Variants in DNAH12 observed in about 807,000 individuals in gnomAD.
The protein encoded by DNAH12 is dynein axonemal heavy chain 12.
DNAH12 carries 285 observed loss-of-function variants against 371.5 expected under a neutral mutation model. That is an observed-to-expected ratio of 0.77 (90% CI 0.70 to 0.85). The LOEUF is 0.85. Ranked by LOEUF, DNAH12 falls within the 40% of genes least tolerant of loss-of-function variation. The probability of loss-of-function intolerance (pLI) is 0.00; values close to 1 mark genes in which losing one functional copy is unlikely to be tolerated. For synonymous variants in DNAH12, 1,200 were observed against 1,213.0 expected (o/e 0.99, Z 0.22); for missense variants, 3,611 against 3,689.4 (o/e 0.98, Z 0.55).
chr3:57,521,387 G>T (rs192352360), intron 4 of DNAH12, among the ~76,000 whole-genome samples: 7 of 151,888 alleles, frequency 4.6e-5, no homozygotes, highest in Non-Finnish European at 2.9e-5. Context: ...AAAATCAGGG[G>T]GATGGTGGCA....
Position 57,408,023 on chromosome 3 carries a change from T to G in DNAH12, c.6276+257A>C, listed in dbSNP as rs937265006. Among the ~76,000 whole-genome samples, 8 of 152,266 alleles carry G rather than the reference T, an allele frequency of 5.3e-5. 1 individual carries two copies. In the South Asian group the frequency reaches 1.5e-3, roughly 28 times the overall value. On this transcript the variant is annotated intron_variant, in intron 40 of 73. Transcript: ENST00000495027. The stretch of plus-strand genomic sequence containing the variant: ...CAACCTTGTGAAATAGGTGTTTTAT[T>G]CCATTTTAGTCATTAAAAAAACAGC...
chr3:57,429,179 A>AT lies in DNAH12; in HGVS notation c.5065-359dup, dbSNP rs138125857. ...CACAGATGCTCACTCCTCTCCACACATTTTTTTTTTTTTTGAGACGGAGTT... is the reference window on the plus strand; with the variant it reads ...CACAGATGCTCACTCCTCTCCACACATTTTTTTTTTTTTTTGAGACGGAGTT... On this transcript the variant is annotated intron_variant, in intron 33 of 73. Coordinates refer to ENST00000495027, the MANE Select transcript of DNAH12 (RefSeq NM_001366028.2). Among the ~76,000 whole-genome samples, 404 of 147,560 alleles carry AT rather than the reference A, an allele frequency of 2.7e-3. 4 individuals carry two copies. The highest frequency in any genetic ancestry group is 0.027 in the East Asian group (136 of 4,978).
chr3:57,551,511 T>TCCGC, the DNAH12 span, among the ~76,000 whole-genome samples: 2 of 151,590 alleles, frequency 1.3e-5, no homozygotes, highest in African/African-American at 4.8e-5. Flanking sequence ...GACCTCGTGA[T>TCCGC]CCGCCCGCCT....
intron 36 of DNAH12, among the ~76,000 whole-genome samples, chr3:57,420,428 TA>T: frequency 6.6e-6 from 1 of 152,220 alleles, no homozygotes. Flanking sequence ...GTTTCTTTAG[TA>T]ATTCATATTT....
rs954456224 is a variant in DNAH12 at position 57,433,292 on chromosome 3, G to A, written c.4980+75C>T. On this transcript the variant is annotated intron_variant, in intron 32 of 73. Transcript: ENST00000495027. The stretch of plus-strand genomic sequence containing the variant: ...TTTTGCATCCTTTATTTTAAATAGA[G>A]TCCTAGTTTAGTTGCTGAACACATA... 13 of 1,445,040 alleles carry A rather than the reference G, an allele frequency of 9.0e-6. No individual in the cohort carries two copies. In the South Asian group the frequency reaches 2.0e-4, roughly 23 times the overall value. 89.5% of individuals were successfully genotyped at this position (1,445,040 alleles called of 1,614,324 possible). A position where few individuals can be genotyped will look rare whatever the true frequency, so the allele number is the denominator to read the frequency against.
In DNAH12 at chr3:57,394,334, T is replaced by C; in HGVS notation, c.6949-2A>G. ...CATGCCCACATTCCTTAACAGACCC[T>C]TAAAATAAAAATGGACTTGTAAGCA... On this transcript the variant is annotated splice_acceptor_variant, in intron 43 of 73. Transcript: ENST00000495027. LOFTEE classifies it high-confidence loss of function. 6.6e-6 allele frequency: 1 copy of C among 152,338 alleles called. No individual in the cohort carries two copies. Among genetic ancestry groups the C allele is most frequent in the Non-Finnish European group, 1.5e-5 (1 of 68,028 alleles). The allele number at this position is 152,338 out of a possible 1,614,324, so 9.4% of individuals were successfully genotyped here. A position where few individuals can be genotyped will look rare whatever the true frequency, so the allele number is the denominator to read the frequency against.
chr3:57,311,020 A>G lies in DNAH12; in HGVS notation c.10663-70T>C, dbSNP rs1220226874. ...CACTTCATTTCCATTTTAAGTATGT[A>G]TCTATCTATCTAGAAAGGGGGTTGA... On this transcript the variant is annotated intron_variant, in intron 66 of 73. Transcript: ENST00000495027. The G allele has an allele frequency of 1.6e-5, 17 of 1,043,778 alleles. No homozygotes were observed. In the East Asian group the frequency reaches 3.6e-4, roughly 22 times the overall value. 64.7% of individuals were successfully genotyped at this position (1,043,778 alleles called of 1,614,324 possible).
intron 13 of DNAH12, among the ~76,000 whole-genome samples, chr3:57,481,529 C>T (rs1200904498): frequency 4.6e-5 from 7 of 152,072 alleles, no homozygotes; most frequent in Non-Finnish European, 1.0e-4. Flanking sequence ...CCATCCCCAT[C>T]AAGCTACCAA....
chr3:57,381,473 T>A (rs1191714271), intron 50 of DNAH12, among the ~76,000 whole-genome samples: 13 of 152,184 alleles, frequency 8.5e-5, no homozygotes, highest in Admixed American at 5.9e-4. Context: ...GAATAATAAT[T>A]ATAATAATAA....
chr3:57,361,446 A>ATATATATATATATATATATATATATATG (rs2062931397), intron 58 of DNAH12, among the ~76,000 whole-genome samples: 2 of 118,470 alleles, frequency 1.7e-5, no homozygotes, highest in African/African-American at 8.2e-5. Flanking sequence ...CACACACACT[A>ATATATATATATATATATATATATATATG]TATATATATA....
intron 70 of DNAH12, among the ~76,000 whole-genome samples, chr3:57,300,815 G>A (rs2061329557): frequency 6.6e-6 from 1 of 152,012 alleles, no homozygotes; most frequent in African/African-American, 2.4e-5. Context: ...AAATAGTTTT[G>A]GGATTCTCCC....
chr3:57,391,112 C>A (rs1483723114), intron 45 of DNAH12, among the ~76,000 whole-genome samples: 2 of 152,166 alleles, frequency 1.3e-5, no homozygotes, highest in African/African-American at 2.4e-5. Context: ...CTTGACTGGG[C>A]TATGAGGTTC....
intron 13 of DNAH12, among the ~76,000 whole-genome samples, chr3:57,476,828 G>A (rs917485151): frequency 1.3e-5 from 2 of 152,058 alleles, no homozygotes; most frequent in African/African-American, 4.8e-5. Context: ...GCTGGAAAAG[G>A]TAAAAACATA....
At chr3:57,449,220 T>C (rs1367978903) in intron 25 of DNAH12, among the ~76,000 whole-genome samples, 1 of 151,718 alleles carries the variant, frequency 6.6e-6, no homozygotes, top group Non-Finnish European at 1.5e-5. Context: ...GTATTTACAA[T>C]CCCTGAGCTA....
intron 11 of DNAH12, among the ~76,000 whole-genome samples, chr3:57,499,673 T>TATACACACACAC (rs1553711699): frequency 4.5e-5 from 2 of 44,458 alleles, no homozygotes; most frequent in African/African-American, 1.8e-4. Context: ...TATATATATA[T>TATACACACACAC]ATACTTCTTA....
chr3:57,414,059 T>A, intron 38 of DNAH12, 147 bp from the exon 39 acceptor site: 1 of 761,792 alleles, frequency 1.3e-6, no homozygotes. Flanking sequence ...ATTTGCTTAA[T>A]TTATCAATGA....
intron 68 of DNAH12, 130 bp from the exon 69 acceptor site, chr3:57,309,384 A>T (rs971060285): frequency 1.3e-5 from 10 of 770,252 alleles, no homozygotes; most frequent in Non-Finnish European, 1.8e-5. Flanking sequence ...AGTAATGTAT[A>T]TAAGTCCTAT....
At chr3:57,301,243 A>G (rs970932324) in intron 70 of DNAH12, among the ~76,000 whole-genome samples, 4 of 124,782 alleles carry the variant, frequency 3.2e-5, no homozygotes, top group Admixed American at 1.0e-4. Flanking sequence ...TCCAGCCTGG[A>G]TGACAGAGCA....
At chr3:57,427,545 C>T (rs11914631) in intron 34 of DNAH12, among the ~76,000 whole-genome samples, 28,020 of 151,834 alleles carry the variant, frequency 0.18, 2,793 homozygotes, top group African/African-American at 0.23. Flanking sequence ...AAAAAATTAG[C>T]TGGGTGTGGT....
Sources: gnomAD v4.1 joint callset for allele counts (sites outside exome capture counted in the v4.1 genomes callset) on GRCh38, gnomAD v4.1.1 for gene constraint, MANE v1.5 for transcripts, NCBI Gene and HGNC (gene_info 2026-07-23, HGNC 2026-07-21) for gene names.